GRID2: variants seen among roughly 807,000 people sequenced by gnomAD.
GRID2 encodes the protein glutamate ionotropic receptor delta type subunit 2, also known as glutamate receptor ionotropic, delta-2.
A neutral mutation model predicts 114.8 loss-of-function variants in GRID2; 33 were observed. The observed-to-expected ratio is 0.29, with a 90% CI of 0.22 to 0.38. The LOEUF is 0.38. GRID2 is among the 10% of genes least tolerant of loss of function. The probability of loss-of-function intolerance (pLI) is 1.00; values close to 1 mark genes in which losing one functional copy is unlikely to be tolerated. For synonymous variants in GRID2, 505 were observed against 449.9 expected, an observed-to-expected ratio of 1.12 and a Z score of -1.55; for missense variants, 1,184 against 1,257.7, an observed-to-expected ratio of 0.94 and a Z score of 0.89.
chr4:92,736,816 G>A (rs1303758952), intron 2 of GRID2, among the ~76,000 whole-genome samples: 1 of 152,066 alleles, frequency 6.6e-6, no homozygotes, highest in Non-Finnish European at 1.5e-5. Flanking sequence ...AAAGTGACAA[G>A]TGTTGAATTA....
At chr4:92,304,803 C>A in intron 1 of GRID2, 59 bp downstream of exon 1, 2 of 1,228,884 alleles carry the variant, frequency 1.6e-6, no homozygotes, top group South Asian at 1.2e-5. Context: ...TCAAATGTTT[C>A]CCCTTCGCTT....
At position 93,110,953 on chromosome 4, in the gene GRID2, G is replaced by A. The variant is rs1169159067; in HGVS notation, c.735G>A (p.Glu245=). The change falls in exon 4 of 16, where the codon GAG becomes GAA. Residue 245 remains glutamate (E), a splice_region_variant and synonymous_variant. Coordinates refer to ENST00000282020, the MANE Select transcript of GRID2 (RefSeq NM_001510.4). ...CTACAGCCAAATCCTTCATTACTGAGGTAAGTGAAAATTGTCTTGGGGTGA... is the reference window on the plus strand; with the variant it reads ...CTACAGCCAAATCCTTCATTACTGAAGTAAGTGAAAATTGTCTTGGGGTGA... ...NPATAKSFIT[E]VVETNLVAFD... The A allele has an allele frequency of 4.4e-6, 7 of 1,595,590 alleles. No homozygotes were observed. In the Admixed American group the frequency reaches 1.0e-4, roughly 23 times the overall value.
chr4:93,238,463 A>T lies in GRID2; in HGVS notation c.1218A>T (p.Gly406=). Residue 406 remains glycine, a synonymous_variant, in exon 8 of 16, where the codon GGA becomes GGT. Coordinates refer to ENST00000282020, the MANE Select transcript of GRID2 (RefSeq NM_001510.4). ...VHFEILGTNY[G]EELGRGVRKL... ...TTGAAATCCTTGGAACCAACTATGG[A>T]GAAGAGCTTGGCAGAGGTGTTCGAA... The T allele has an allele frequency of 1.2e-6, 2 of 1,610,132 alleles. No homozygotes were observed.
At chr4:92,756,164 A>G (rs1420840108) in intron 2 of GRID2, among the ~76,000 whole-genome samples, 1 of 152,100 alleles carries the variant, frequency 6.6e-6, no homozygotes, top group Non-Finnish European at 1.5e-5. Flanking sequence ...TCAACTTTTT[A>G]GCTCCCATAT....
chr4:92,487,013 G>C (rs1339234804), intron 1 of GRID2, among the ~76,000 whole-genome samples: 1 of 151,654 alleles, frequency 6.6e-6, no homozygotes, highest in African/African-American at 2.4e-5. Flanking sequence ...TCCTCCCTTA[G>C]CCTCTTAATG....
At chr4:92,765,557 T>C (rs1262103823) in intron 2 of GRID2, among the ~76,000 whole-genome samples, 1 of 152,080 alleles carries the variant, frequency 6.6e-6, no homozygotes, top group African/African-American at 2.4e-5. Flanking sequence ...AGTTGATAGC[T>C]TCTCACAGCC....
intron 2 of GRID2, among the ~76,000 whole-genome samples, chr4:92,765,541 G>A (rs1010744122): frequency 2.0e-5 from 3 of 151,892 alleles, no homozygotes; most frequent in African/African-American, 7.3e-5. Flanking sequence ...TGTGGACCAT[G>A]CAGATAGTTG....
intron 7 of GRID2, among the ~76,000 whole-genome samples, chr4:93,237,808 A>G (rs1408291849): frequency 2.6e-5 from 4 of 151,856 alleles, no homozygotes; most frequent in Non-Finnish European, 5.9e-5. Context: ...AAGAGCAAAA[A>G]CAGATTTCAA....
chr4:93,225,499 C>A (rs749919798), intron 7 of GRID2, among the ~76,000 whole-genome samples: 1 of 152,144 alleles, frequency 6.6e-6, no homozygotes, highest in African/African-American at 2.4e-5. Flanking sequence ...CAAACAAATT[C>A]TCCTATACCC....
At chr4:92,729,377 G>A (rs1230178317) in intron 2 of GRID2, among the ~76,000 whole-genome samples, 1 of 151,880 alleles carries the variant, frequency 6.6e-6, no homozygotes, top group Non-Finnish European at 1.5e-5. Context: ...AAAATTAATT[G>A]AAATCATTTT....
At chr4:92,521,860 C>G (rs557421994) in intron 1 of GRID2, among the ~76,000 whole-genome samples, 3 of 152,056 alleles carry the variant, frequency 2.0e-5, no homozygotes, top group Non-Finnish European at 4.4e-5. Context: ...ATAGATGGTG[C>G]AGCATTTTGT....
intron 2 of GRID2, among the ~76,000 whole-genome samples, chr4:92,962,086 C>T (rs1270632331): frequency 1.3e-5 from 2 of 152,020 alleles, no homozygotes; most frequent in African/African-American, 2.4e-5. Context: ...CTCCTTTATA[C>T]ATTAAAGTTC....
intron 2 of GRID2, among the ~76,000 whole-genome samples, chr4:92,983,379 A>G (rs1252460679): frequency 1.3e-5 from 2 of 152,056 alleles, no homozygotes; most frequent in Non-Finnish European, 2.9e-5. Flanking sequence ...CCCATTCACA[A>G]GAAAGGAACC....
At chr4:93,105,248 T>G (rs917085973) in intron 3 of GRID2, among the ~76,000 whole-genome samples, 32 of 152,134 alleles carry the variant, frequency 2.1e-4, no homozygotes, top group Admixed American at 5.9e-4. Flanking sequence ...TTTCTCCCAT[T>G]TTGTAGGTTG....
chr4:93,338,104 A>T (rs1579730284), intron 8 of GRID2, among the ~76,000 whole-genome samples: 2 of 152,166 alleles, frequency 1.3e-5, no homozygotes, highest in African/African-American at 4.8e-5. Context: ...AAATTAAATG[A>T]TGAAGTATAT....
intron 12 of GRID2, among the ~76,000 whole-genome samples, chr4:93,498,582 C>CT (rs2149470336): frequency 6.6e-6 from 1 of 151,918 alleles, no homozygotes; most frequent in African/African-American, 2.4e-5. Flanking sequence ...AAGCTCATAT[C>CT]TTACTTCTAG....
At chr4:92,888,956 A>G (rs1746559531) in intron 2 of GRID2, among the ~76,000 whole-genome samples, 1 of 152,080 alleles carries the variant, frequency 6.6e-6, no homozygotes, top group Non-Finnish European at 1.5e-5. Context: ...ATTTTATTGT[A>G]TTTTGGTAAT....
chr4:92,846,440 C>T lies in GRID2; in HGVS notation c.245-238555C>T, dbSNP rs1406379340. On this transcript the variant is annotated intron_variant, in intron 2 of 15. Coordinates refer to ENST00000282020, the MANE Select transcript of GRID2 (RefSeq NM_001510.4). Reference sequence around the variant, plus strand: ...TGAAGTATTTGGTTTTCTGTTCCTGCATTAATTTGCTAGGATAATGGTCTC... The same window carrying T: ...TGAAGTATTTGGTTTTCTGTTCCTGTATTAATTTGCTAGGATAATGGTCTC... 4.6e-5 allele frequency among the ~76,000 whole-genome samples: 7 copies of T among 152,044 alleles called. No homozygotes were observed. In the South Asian group the frequency reaches 1.4e-3, roughly 31 times the overall value.
chr4:93,624,667 G>A (rs1296882895), intron 13 of GRID2, among the ~76,000 whole-genome samples: 1 of 151,970 alleles, frequency 6.6e-6, no homozygotes, highest in Non-Finnish European at 1.5e-5. Flanking sequence ...GCTTTTCCTT[G>A]TTTAATAATG....
Sources: gnomAD v4.1 joint callset for allele counts (sites outside exome capture counted in the v4.1 genomes callset) on GRCh38, gnomAD v4.1.1 for gene constraint, MANE v1.5 for transcripts, NCBI Gene and HGNC (gene_info 2026-07-23, HGNC 2026-07-21) for gene names.